KCNJ6: variants seen among roughly 807,000 people sequenced by gnomAD.
The protein encoded by KCNJ6 is G protein-activated inward rectifier potassium channel 2.
KCNJ6 carries 9 observed loss-of-function variants against 34.2 expected under a neutral mutation model. That is an observed-to-expected ratio of 0.26 (90% CI 0.16 to 0.46). The LOEUF (loss-of-function observed/expected upper bound fraction) is 0.46. KCNJ6 is among the 20% of genes least tolerant of loss of function. The pLI, the probability that KCNJ6 is intolerant of heterozygous loss-of-function variation, is 1.00. For missense variants in KCNJ6, 236 were observed against 531.3 expected, an observed-to-expected ratio of 0.44 and a Z score of 5.46; for synonymous variants, 196 against 207.1, an observed-to-expected ratio of 0.95 and a Z score of 0.46.
chr21:37,892,661 A>T (rs1207477845), intron 1 of KCNJ6, among the ~76,000 whole-genome samples: 1 of 152,102 alleles, frequency 6.6e-6, no homozygotes, highest in Non-Finnish European at 1.5e-5. Flanking sequence ...AAAGATGGGG[A>T]GGCAAGTTGG....
At chr21:37,677,835 G>A (rs1322595252) in intron 3 of KCNJ6, among the ~76,000 whole-genome samples, 1 of 30,502 alleles carries the variant, frequency 3.3e-5, no homozygotes, top group Non-Finnish European at 6.0e-5. Context: ...TCATCCATCA[G>A]TTCACTCATT....
intron 3 of KCNJ6, among the ~76,000 whole-genome samples, chr21:37,637,308 A>G (rs930300145): frequency 4.6e-5 from 7 of 152,198 alleles, no homozygotes; most frequent in South Asian, 2.1e-4. Context: ...AATCCCTTCA[A>G]TGAACAGTTG....
At chr21:37,717,677 C>T (rs2054800634) in intron 2 of KCNJ6, among the ~76,000 whole-genome samples, 2 of 152,236 alleles carry the variant, frequency 1.3e-5, no homozygotes, top group Admixed American at 1.3e-4. Flanking sequence ...ACCTTGTCTG[C>T]AGAGCCCTGC....
At chr21:37,764,233 A>G (rs995770318) in intron 2 of KCNJ6, among the ~76,000 whole-genome samples, 30 of 152,166 alleles carry the variant, frequency 2.0e-4, no homozygotes, top group African/African-American at 7.2e-4. Context: ...GCTGGTTTGA[A>G]GGGACTTTCT....
intron 2 of KCNJ6, among the ~76,000 whole-genome samples, chr21:37,742,706 A>C (rs2835918): frequency 0.071 from 10,734 of 152,178 alleles, 871 homozygotes; most frequent in African/African-American, 0.2. Flanking sequence ...TCACTGTTCC[A>C]GTCTTGCCAA....
chr21:37,860,917 G>A (rs2055591935), intron 1 of KCNJ6, among the ~76,000 whole-genome samples: 2 of 69,866 alleles, frequency 2.9e-5, no homozygotes, highest in Admixed American at 2.1e-4. Flanking sequence ...GACTCTCAGA[G>A]TTTAAATCTC....
intron 1 of KCNJ6, among the ~76,000 whole-genome samples, chr21:37,873,821 A>T (rs530226954): frequency 6.6e-6 from 1 of 152,222 alleles, no homozygotes; most frequent in South Asian, 2.1e-4. Flanking sequence ...GATCACATCT[A>T]TCCACGCTTC....
At chr21:37,630,610 AAC>A (rs1406988854) in intron 3 of KCNJ6, among the ~76,000 whole-genome samples, 2 of 152,196 alleles carry the variant, frequency 1.3e-5, no homozygotes, top group Admixed American at 6.5e-5. Flanking sequence ...GCTAAGATAT[AAC>A]ACAATGCTGG....
intron 2 of KCNJ6, among the ~76,000 whole-genome samples, chr21:37,774,627 G>T (rs2055133530): frequency 6.7e-6 from 1 of 149,862 alleles, no homozygotes; most frequent in South Asian, 2.1e-4. Context: ...GCCATAGTTT[G>T]CTGAGAATGA....
Position 37,896,947 on chromosome 21 carries a change from T to C in KCNJ6, c.-28+18937A>G, listed in dbSNP as rs368308068. ...AAATGAGTGCCCACAGCCAGGCTGC[T>C]GGGAATTCATCCAGGAGCTGTGGCA... On this transcript the variant is annotated intron_variant, in intron 1 of 3. Transcript: ENST00000609713. Among the ~76,000 whole-genome samples the C allele has an allele frequency of 1.2e-3, 177 of 152,314 alleles. 1 individual carries two copies. Among genetic ancestry groups the C allele is most frequent in the African/African-American group, 4.1e-3 (172 of 41,576 alleles).
At chr21:37,853,546 C>CA (rs1195108866) in intron 1 of KCNJ6, among the ~76,000 whole-genome samples, 1 of 151,686 alleles carries the variant, frequency 6.6e-6, no homozygotes, top group Non-Finnish European at 1.5e-5. Context: ...GTTCTCTCAA[C>CA]AAAAAGGAAA....
chr21:37,884,889 T>C (rs1409754010), intron 1 of KCNJ6, among the ~76,000 whole-genome samples: 1 of 152,214 alleles, frequency 6.6e-6, no homozygotes, highest in African/African-American at 2.4e-5. Context: ...GCATTAATTA[T>C]AAATGACTAC....
At chr21:37,680,367 G>A (rs900875060) in intron 3 of KCNJ6, among the ~76,000 whole-genome samples, 3 of 152,144 alleles carry the variant, frequency 2.0e-5, no homozygotes, top group African/African-American at 4.8e-5. Context: ...CACTCCTCGA[G>A]CTCACAGAAC....
intron 2 of KCNJ6, among the ~76,000 whole-genome samples, chr21:37,716,111 C>T (rs190106155): frequency 6.6e-6 from 1 of 152,198 alleles, no homozygotes; most frequent in Non-Finnish European, 1.5e-5. Context: ...TCCCTTGTCA[C>T]TTTCCTTATG....
At chr21:37,776,188 C>T (rs1389816921) in intron 2 of KCNJ6, among the ~76,000 whole-genome samples, 5 of 152,238 alleles carry the variant, frequency 3.3e-5, no homozygotes, top group South Asian at 4.1e-4. Flanking sequence ...GATTTTTGCA[C>T]GTTGATTTTG....
rs901739395 is a variant in KCNJ6, at chr21:37,853,891, CAG to C, written c.-27-13184_-27-13183del. 1.8e-4 allele frequency among the ~76,000 whole-genome samples: 20 copies of C among 110,648 alleles called. No individual in the cohort carries two copies. In the South Asian group the frequency reaches 5.0e-3, roughly 27 times the overall value. 72.6% of individuals were successfully genotyped at this position (110,648 alleles called of 152,430 possible). ...TACATTGTGTATATATACATAAACA[CAG>C]AATGTAATTCCTAGAACAGCCACTG... is the stretch of plus-strand genomic sequence containing the variant. On this transcript the variant is annotated intron_variant, in intron 1 of 3. Coordinates refer to ENST00000609713, the MANE Select transcript of KCNJ6 (RefSeq NM_002240.5).
intron 1 of KCNJ6, among the ~76,000 whole-genome samples, chr21:37,912,744 C>CACTAGCAA (rs2055872917): frequency 6.6e-6 from 1 of 152,186 alleles, no homozygotes; most frequent in South Asian, 2.1e-4. Flanking sequence ...AAATAGATTG[C>CACTAGCAA]TCTGTCTTCA....
intron 2 of KCNJ6, among the ~76,000 whole-genome samples, chr21:37,819,874 C>G (rs1316638162): frequency 1.3e-5 from 2 of 151,978 alleles, no homozygotes; most frequent in Admixed American, 6.6e-5. Flanking sequence ...ACCTCTGCCC[C>G]CTGTGTTCAA....
intron 2 of KCNJ6, among the ~76,000 whole-genome samples, chr21:37,740,093 G>T (rs1017834633): frequency 1.1e-4 from 17 of 152,138 alleles, no homozygotes; most frequent in Non-Finnish European, 2.9e-5. Flanking sequence ...CCAAGGAAGT[G>T]CAAATGCTGT....
Sources: gnomAD v4.1 joint callset for allele counts (sites outside exome capture counted in the v4.1 genomes callset) on GRCh38, gnomAD v4.1.1 for gene constraint, MANE v1.5 for transcripts, NCBI Gene and HGNC (gene_info 2026-07-23, HGNC 2026-07-21) for gene names.